The following C1orf87 variants were observed in gnomAD, a reference collection of about 807,000 sequenced individuals.
The protein encoded by C1orf87 is uncharacterized protein C1orf87.
In C1orf87, 58 loss-of-function variants were observed where a neutral mutation model predicts 60.5. The ratio of observed to expected loss-of-function variants is 0.96; its 90% CI spans 0.78 to 1.19. C1orf87 has a LOEUF of 1.19. Among genes scored for constraint, C1orf87 ranks in the 50% most tolerant of loss-of-function variants. The probability of loss-of-function intolerance (pLI) is 0.00; values close to 1 mark genes in which losing one functional copy is unlikely to be tolerated. For synonymous variants in C1orf87, 236 were observed against 227.4 expected, an observed-to-expected ratio of 1.04 and a Z score of -0.34; for missense variants, 673 against 638.6, an observed-to-expected ratio of 1.05 and a Z score of -0.58.
At chr1:60,037,825 T>A (rs1211805689) in intron 6 of C1orf87, among the ~76,000 whole-genome samples, 167 bp downstream of exon 6, 1 of 152,226 alleles carries the variant, frequency 6.6e-6, no homozygotes, top group African/African-American at 2.4e-5. Context: ...CTCCCAGAAC[T>A]CAACCATGCT....
chr1:60,033,419 C>T (rs1645253047), intron 7 of C1orf87, 57 bp downstream of exon 7: 1 of 1,522,558 alleles, frequency 6.6e-7, no homozygotes, highest in Non-Finnish European at 9.0e-7. Context: ...TGCTATAGAC[C>T]CAATGCCCTG....
chr1:60,064,337 T>C lies in C1orf87; in HGVS notation c.107+8200A>G, dbSNP rs1224593086. On this transcript the variant is annotated intron_variant, in intron 2 of 11. Coordinates refer to ENST00000371201, the MANE Select transcript of C1orf87 (RefSeq NM_152377.3). ...TATAAATTATATATTATATATACTATATATGTAATATATGTAATATATAAT... is the reference window on the plus strand; with the variant it reads ...TATAAATTATATATTATATATACTACATATGTAATATATGTAATATATAAT... Among the ~76,000 whole-genome samples, 4 of 140,340 alleles carry C rather than the reference T, an allele frequency of 2.9e-5. No individual in the cohort carries two copies. The East Asian group carries it at 8.0e-4, about 28-fold the overall frequency. The allele number at this position is 140,340 out of a possible 152,430, so 92.1% of individuals were successfully genotyped here.
rs780404703 is a variant in C1orf87, at chr1:60,055,423, G to A, written c.123C>T (p.Ser41=). The change falls in exon 3 of 12, where the codon AGC becomes AGT. Residue 41 remains serine, a synonymous_variant. Transcript: ENST00000371201. Reference sequence around the variant, plus strand: ...GCATTGTTTGGGTTTCTGTTTTCAAGCTGTCATTCTCCTTGCTGTGAAGAA... The same window carrying A: ...GCATTGTTTGGGTTTCTGTTTTCAAACTGTCATTCTCCTTGCTGTGAAGAA... ...VEKPKIKEND[S]LKTETQTMHQ... 5.6e-6 allele frequency: 9 copies of A among 1,613,892 alleles called. No individual in the cohort carries two copies. Among genetic ancestry groups the A allele is most frequent in the Non-Finnish European group, 2.5e-6 (3 of 1,179,936 alleles).
At chr1:60,053,928 G>A (rs1288064187) in intron 3 of C1orf87, among the ~76,000 whole-genome samples, 2 of 152,094 alleles carry the variant, frequency 1.3e-5, no homozygotes, top group African/African-American at 4.8e-5. Context: ...ACCTCACAGG[G>A]TTAATTTCAA....
rs531493727 is a variant in C1orf87 at position 60,055,363 on chromosome 1, C to T, written c.183G>A (p.Met61Ile). 9 of 1,614,140 alleles carry T rather than the reference C, an allele frequency of 5.6e-6. No individual in the cohort carries two copies. The highest frequency in any genetic ancestry group is 1.3e-5 in the African/African-American group (1 of 75,040). ...QKPMTDNARQ[M>I]SRDTPVPINF... ...TAATGGGAACTGGGGTGTCTCTGCTCATCTGCCTTGCATTATCAGTCATTG... is the reference window on the plus strand; with the variant it reads ...TAATGGGAACTGGGGTGTCTCTGCTTATCTGCCTTGCATTATCAGTCATTG... Residue 61 changes from methionine (M) to isoleucine (I), a missense_variant, in exon 3 of 12, where the codon ATG (methionine) becomes ATA (isoleucine). Met to Ile is a conservative substitution (Grantham distance 10, BLOSUM62 1). Transcript: ENST00000371201.
intron 3 of C1orf87, among the ~76,000 whole-genome samples, chr1:60,053,179 T>G: frequency 6.6e-6 from 1 of 152,192 alleles, no homozygotes. Flanking sequence ...GAAACAGATG[T>G]CTATATATAA....
chr1:60,023,823 T>C (rs1645180570), intron 8 of C1orf87, among the ~76,000 whole-genome samples: 1 of 152,218 alleles, frequency 6.6e-6, no homozygotes. Context: ...TTCCTCATTT[T>C]TAATGGCCTT....
rs199612022 is a variant in C1orf87, at chr1:59,996,062, G to GT, written c.1480+1546dup. ...TGAATCTTTCAATTAAAATTTTCAG[G>GT]TTTTTTTTTCTCTTTGGTATAATTA... is the stretch of plus-strand genomic sequence containing the variant. On this transcript the variant is annotated intron_variant, in intron 11 of 11. Transcript: ENST00000371201. Among the ~76,000 whole-genome samples, 1,193 of 150,738 alleles carry GT rather than the reference G, an allele frequency of 7.9e-3. 11 individuals carry two copies. Among genetic ancestry groups the GT allele is most frequent in the African/African-American group, 0.026 (1,072 of 41,054 alleles).
intron 3 of C1orf87, among the ~76,000 whole-genome samples, chr1:60,047,559 C>T (rs1363737379): frequency 6.6e-6 from 1 of 152,144 alleles, no homozygotes; most frequent in African/African-American, 2.4e-5. Context: ...CTACTCATTG[C>T]TTCGGGCCTA....
At chr1:60,024,783 G>A (rs1430106817) in intron 8 of C1orf87, among the ~76,000 whole-genome samples, 3 of 152,064 alleles carry the variant, frequency 2.0e-5, no homozygotes, top group Non-Finnish European at 2.9e-5. Context: ...GCTGCTTGCC[G>A]TTCGATGTCT....
intron 9 of C1orf87, chr1:60,008,844 G>C (rs1645064098): frequency 2.7e-6 from 1 of 366,262 alleles, no homozygotes; most frequent in African/African-American, 2.1e-5. Flanking sequence ...AGAATCAGCT[G>C]TATGGAATCC....
At chr1:60,002,883 C>A (rs1453525462) in intron 9 of C1orf87, among the ~76,000 whole-genome samples, 1 of 149,634 alleles carries the variant, frequency 6.7e-6, no homozygotes, top group Non-Finnish European at 1.5e-5. Flanking sequence ...GGACTGTAAA[C>A]TAGTTCAACC....
intron 1 of C1orf87, among the ~76,000 whole-genome samples, chr1:60,073,425 G>C (rs1190365400): frequency 1.3e-5 from 2 of 151,912 alleles, no homozygotes; most frequent in East Asian, 3.9e-4. Flanking sequence ...GCCCAGAGAG[G>C]GTGTGTTATT....
At chr1:60,024,315 T>C (rs918439056) in intron 8 of C1orf87, among the ~76,000 whole-genome samples, 3 of 152,166 alleles carry the variant, frequency 2.0e-5, no homozygotes, top group African/African-American at 7.2e-5. Context: ...AGTTTTAAGA[T>C]TTGTTGAGTT....
intron 3 of C1orf87, among the ~76,000 whole-genome samples, chr1:60,048,302 G>T (rs998685226): frequency 6.6e-6 from 1 of 152,164 alleles, no homozygotes; most frequent in Non-Finnish European, 1.5e-5. Flanking sequence ...ATAGCCACAT[G>T]AGTGAGCTTG....
intron 2 of C1orf87, among the ~76,000 whole-genome samples, chr1:60,065,029 A>ATATATATATATTATATATAT (rs1491291377): frequency 4.1e-4 from 48 of 116,176 alleles, no homozygotes; most frequent in African/African-American, 1.5e-3. Context: ...ATATATATTT[A>ATATATATATATTATATATAT]ATATATATAT....
chr1:60,045,914 CTTA>C (rs943536352), intron 3 of C1orf87, among the ~76,000 whole-genome samples: 2 of 152,142 alleles, frequency 1.3e-5, no homozygotes, highest in African/African-American at 2.4e-5. Flanking sequence ...TTAAAAATTC[CTTA>C]TTATTAACAG....
chr1:60,072,839 A>G (rs966968618), intron 1 of C1orf87, among the ~76,000 whole-genome samples, 169 bp from the exon 2 acceptor site: 1 of 152,228 alleles, frequency 6.6e-6, no homozygotes, highest in African/African-American at 2.4e-5. Flanking sequence ...AACTACTATT[A>G]TCATTTTTGT....
At position 59,990,636 on chromosome 1, in the gene C1orf87, T is replaced by A; in HGVS notation, c.*37A>T. The A allele has an allele frequency of 1.9e-6, 3 of 1,604,286 alleles. No individual in the cohort carries two copies. Among genetic ancestry groups the A allele is most frequent in the Non-Finnish European group, 2.6e-6 (3 of 1,172,992 alleles). Reference sequence around the variant, plus strand: ...ACATGTGTCTGGGTAAAAAGGGAGATAAGGGAAACATCTGTTCTCACAATA... The same window carrying A: ...ACATGTGTCTGGGTAAAAAGGGAGAAAAGGGAAACATCTGTTCTCACAATA... On this transcript the variant is annotated 3_prime_UTR_variant, in exon 12 of 12. Transcript: ENST00000371201.
Sources: allele counts gnomAD v4.1 joint callset (sites outside exome capture counted in the v4.1 genomes callset), GRCh38; gene constraint gnomAD v4.1.1; transcripts MANE v1.5; gene names NCBI Gene and HGNC (gene_info 2026-07-23, HGNC 2026-07-21).